The following XKRX variants were observed in gnomAD, a reference collection of about 807,000 sequenced individuals.
XKRX encodes XK related X-linked, also known as XK-related protein 2.
In XKRX, 11 loss-of-function variants were observed where a neutral mutation model predicts 22.4. The observed-to-expected ratio is 0.49, with a 90% CI of 0.31 to 0.81. XKRX has a LOEUF of 0.81. XKRX is among the 40% of genes least tolerant of loss of function. The pLI is 0.05. For synonymous variants in XKRX, 114 were observed against 132.2 expected (o/e 0.86, Z 0.94); for missense variants, 320 against 336.5 (o/e 0.95, Z 0.38).
At chrX:100,955,892 A>G in the XKRX span, among the ~76,000 whole-genome samples, 1 of 111,601 alleles carries the variant, frequency 9.0e-6, no homozygotes, top group African/African-American at 3.3e-5. Flanking sequence ...TGAATTTCAA[A>G]GCCATTACAA....
At chrX:100,945,927 T>C in the XKRX span, among the ~76,000 whole-genome samples, 6 of 110,421 alleles carry the variant, frequency 5.4e-5, no homozygotes, top group East Asian at 1.7e-3. Flanking sequence ...GGCTCACGCC[T>C]GTAATCCCAG....
chrX:100,956,847 C>T, the XKRX span: 18 of 696,810 alleles, frequency 2.6e-5, no homozygotes, highest in South Asian at 4.4e-5. Context: ...ATTTTGGTAA[C>T]GAAGGACTGT....
chrX:100,928,977 G>A (rs940960730), upstream of XKRX: 1 of 328,716 alleles, frequency 3.0e-6, no homozygotes, highest in Non-Finnish European at 4.0e-6. Flanking sequence ...CCCCAAGACC[G>A]CCTGGCCCGG....
the XKRX span, among the ~76,000 whole-genome samples, chrX:100,952,095 A>T: frequency 1.8e-5 from 2 of 110,677 alleles, no homozygotes; most frequent in Non-Finnish European, 3.8e-5. Flanking sequence ...TAATAATAAT[A>T]ATAATTATAC....
chrX:100,897,363 C>A, the XKRX span, among the ~76,000 whole-genome samples: 1 of 109,625 alleles, frequency 9.1e-6, no homozygotes, highest in African/African-American at 3.3e-5. Flanking sequence ...GGCAGGTGGA[C>A]CACATGAGGT....
chrX:100,909,709 G>GC (rs766914666), downstream of XKRX, among the ~76,000 whole-genome samples: 2 of 111,090 alleles, frequency 1.8e-5, no homozygotes, highest in East Asian at 5.7e-4. Context: ...TTCAAGACCA[G>GC]CCTGGCCAAC....
At chrX:100,927,937 G>A (rs2085504885) in intron 1 of XKRX, 33 bp downstream of exon 1, 4 of 1,158,887 alleles carry the variant, frequency 3.5e-6, no homozygotes, top group African/African-American at 3.6e-5. Flanking sequence ...GGTGGGGTTA[G>A]GGGGGTAAGG....
chrX:100,897,275 AT>A, the XKRX span, among the ~76,000 whole-genome samples: 14 of 110,988 alleles, frequency 1.3e-4, no homozygotes, highest in Admixed American at 5.8e-4. Flanking sequence ...AACTCATTAT[AT>A]TTTTCACATT....
chrX:100,926,455 T>C (rs925382384), intron 1 of XKRX, among the ~76,000 whole-genome samples: 3 of 112,439 alleles, frequency 2.7e-5, no homozygotes, highest in African/African-American at 9.7e-5. Flanking sequence ...AAGTGACAAA[T>C]AAAAATTATA....
the XKRX span, among the ~76,000 whole-genome samples, chrX:100,949,650 G>A: frequency 9.0e-6 from 1 of 111,483 alleles, no homozygotes; most frequent in Non-Finnish European, 1.9e-5. Flanking sequence ...TTACAGGCAT[G>A]AGCCACCATG....
the XKRX span, among the ~76,000 whole-genome samples, chrX:100,947,073 A>G: frequency 1.2e-3 from 139 of 112,240 alleles, no homozygotes; most frequent in African/African-American, 4.3e-3. Flanking sequence ...AATAATTTCC[A>G]GAGTATCTCC....
At chrX:100,898,102 G>A in the XKRX span, among the ~76,000 whole-genome samples, 16 of 111,893 alleles carry the variant, frequency 1.4e-4, no homozygotes, top group East Asian at 4.2e-3. Context: ...CAAACTGTCA[G>A]AAGCAACTTT....
At chrX:100,951,213 G>C in the XKRX span, among the ~76,000 whole-genome samples, 1 of 85,712 alleles carries the variant, frequency 1.2e-5, no homozygotes, top group Non-Finnish European at 2.2e-5. Context: ...CAGCTTGGGC[G>C]ACAAGAGCGA....
chrX:100,951,716 A>T, the XKRX span, among the ~76,000 whole-genome samples: 11 of 111,715 alleles, frequency 9.8e-5, no homozygotes, highest in Admixed American at 1.1e-3. Flanking sequence ...AGAAGACACA[A>T]TTCACCAATA....
At chrX:100,959,243 A>G in the XKRX span, among the ~76,000 whole-genome samples, 1 of 112,002 alleles carries the variant, frequency 8.9e-6, no homozygotes, top group African/African-American at 3.2e-5. Flanking sequence ...ATGGAAGCTA[A>G]CCAATGGAAA....
upstream of XKRX, among the ~76,000 whole-genome samples, chrX:100,932,046 T>G (rs1020031297): frequency 3.6e-5 from 4 of 111,938 alleles, no homozygotes; most frequent in Non-Finnish European, 7.5e-5. Flanking sequence ...TGTACTTTTG[T>G]TGGACTCCCC....
At chrX:100,929,715 A>T (rs960458360), upstream of XKRX, among the ~76,000 whole-genome samples, 1 of 111,559 alleles carries the variant, frequency 9.0e-6, no homozygotes, top group African/African-American at 3.3e-5. Context: ...TTATGCCTTG[A>T]TTTCTCCACT....
chrX:100,890,443 AG>A, the XKRX span, among the ~76,000 whole-genome samples: 1 of 108,813 alleles, frequency 9.2e-6, no homozygotes, highest in Non-Finnish European at 1.9e-5. Context: ...TGCCATTAAA[AG>A]CAATGACGAA....
downstream of XKRX, chrX:100,910,712 T>C: frequency 6.9e-6 from 4 of 578,554 alleles, no homozygotes; most frequent in South Asian, 1.2e-4. Context: ...GCCTTCACCA[T>C]GCCACAGAAC....
Sources: gnomAD v4.1 joint callset for allele counts (sites outside exome capture counted in the v4.1 genomes callset) on GRCh38, gnomAD v4.1.1 for gene constraint, MANE v1.5 for transcripts, NCBI Gene and HGNC (gene_info 2026-07-23, HGNC 2026-07-21) for gene names.